SORCS3: variants seen among roughly 807,000 people sequenced by gnomAD.
The protein encoded by SORCS3 is VPS10 domain-containing receptor SorCS3.
SORCS3 carries 57 observed loss-of-function variants against 146.3 expected under a neutral mutation model. The ratio of observed to expected loss-of-function variants is 0.39; its 90% CI spans 0.31 to 0.49. The LOEUF (loss-of-function observed/expected upper bound fraction) is 0.49. Among genes scored for constraint, SORCS3 ranks in the 20% least tolerant of loss-of-function variants. SORCS3 has a pLI of 0.92. For missense variants in SORCS3, 1,341 were observed against 1,575.5 expected, an observed-to-expected ratio of 0.85 and a Z score of 2.52; for synonymous variants, 653 against 618.5, an observed-to-expected ratio of 1.06 and a Z score of -0.83.
At chr10:105,034,010 T>C (rs756253999) in intron 4 of SORCS3, among the ~76,000 whole-genome samples, 2 of 152,200 alleles carry the variant, frequency 1.3e-5, no homozygotes, top group Non-Finnish European at 2.9e-5. Context: ...TTCCCATACC[T>C]GGCACAGTAT....
At chr10:104,878,807 A>G (rs1460204655) in intron 2 of SORCS3, among the ~76,000 whole-genome samples, 1 of 152,206 alleles carries the variant, frequency 6.6e-6, no homozygotes, top group Non-Finnish European at 1.5e-5. Flanking sequence ...GCTTAAATAC[A>G]GAGAATTAGA....
At chr10:104,902,313 A>T (rs2018859800) in intron 2 of SORCS3, among the ~76,000 whole-genome samples, 1 of 152,160 alleles carries the variant, frequency 6.6e-6, no homozygotes, top group African/African-American at 2.4e-5. Context: ...TGCCCAGTTG[A>T]GCACTCCCTT....
At chr10:105,251,702 A>T (rs2056899505) in intron 22 of SORCS3, among the ~76,000 whole-genome samples, 2 of 152,156 alleles carry the variant, frequency 1.3e-5, no homozygotes, top group South Asian at 4.1e-4. Flanking sequence ...GGAAAGAACA[A>T]GCTTACCCTT....
intron 8 of SORCS3, among the ~76,000 whole-genome samples, chr10:105,143,485 G>GT (rs2056109421): frequency 1.3e-5 from 2 of 152,122 alleles, no homozygotes; most frequent in Non-Finnish European, 2.9e-5. Flanking sequence ...AACCAAGGTT[G>GT]TAAACTAAGC....
chr10:104,705,143 A>G (rs2016321063), intron 1 of SORCS3, among the ~76,000 whole-genome samples: 1 of 152,078 alleles, frequency 6.6e-6, no homozygotes. Context: ...TAAAAAATAC[A>G]TAATGCCCTG....
At chr10:104,846,443 A>G (rs1196928031) in intron 2 of SORCS3, among the ~76,000 whole-genome samples, 1 of 152,206 alleles carries the variant, frequency 6.6e-6, no homozygotes, top group African/African-American at 2.4e-5. Context: ...ATGCTTAACC[A>G]AGTTGAAATT....
At chr10:104,746,919 T>C (rs1471807184) in intron 1 of SORCS3, among the ~76,000 whole-genome samples, 2 of 152,248 alleles carry the variant, frequency 1.3e-5, no homozygotes, top group Non-Finnish European at 2.9e-5. Flanking sequence ...TATGTGATCT[T>C]CATTTAATCT....
chr10:105,204,399 T>C lies in SORCS3; in HGVS notation c.2261+3146T>C, dbSNP rs1256442321. On this transcript the variant is annotated intron_variant, in intron 16 of 26. Coordinates refer to ENST00000369701, the MANE Select transcript of SORCS3 (RefSeq NM_014978.3). ...TTTCCAAGTTTACTTACTCTAAAAT[T>C]AAAACTCATCCCCAAGGACTTGGGT... Among the ~76,000 whole-genome samples, 3 of 152,296 alleles carry C rather than the reference T, an allele frequency of 2.0e-5. No homozygotes were observed. The Middle Eastern group carries it at 0.01, about 518-fold the overall frequency.
intron 7 of SORCS3, among the ~76,000 whole-genome samples, chr10:105,119,188 G>A (rs890308529): frequency 5.9e-5 from 9 of 152,202 alleles, no homozygotes; most frequent in African/African-American, 2.2e-4. Context: ...AGCTCAGGCT[G>A]TTGCTTCAGA....
chr10:105,208,080 G>A lies in SORCS3; in HGVS notation c.2262-3057G>A, dbSNP rs114372996. On this transcript the variant is annotated intron_variant, in intron 16 of 26. Coordinates refer to ENST00000369701, the MANE Select transcript of SORCS3 (RefSeq NM_014978.3). Reference sequence around the variant, plus strand: ...ATTCAGGCCAGGAACATGGGCTCACGCCTATAATCCCAGTACTTTGGGAGG... The same window carrying A: ...ATTCAGGCCAGGAACATGGGCTCACACCTATAATCCCAGTACTTTGGGAGG... Among the ~76,000 whole-genome samples, 1,210 of 152,166 alleles carry A rather than the reference G, an allele frequency of 8.0e-3. 15 individuals are homozygous for A. The highest frequency in any genetic ancestry group is 0.028 in the African/African-American group (1,149 of 41,532).
intron 3 of SORCS3, among the ~76,000 whole-genome samples, chr10:104,916,971 C>T (rs1033444351): frequency 6.6e-6 from 1 of 152,154 alleles, no homozygotes; most frequent in Non-Finnish European, 1.5e-5. Context: ...CAGCTTTTAC[C>T]TGAGCCACTA....
intron 1 of SORCS3, among the ~76,000 whole-genome samples, chr10:104,728,021 TTCTATCTATCTA>T (rs56299885): frequency 0.013 from 1,956 of 146,698 alleles, 13 homozygotes; most frequent in Middle Eastern, 0.031. Context: ...TATATAACAG[TTCTATCTATCTA>T]TCTATCTATC....
chr10:105,254,221 G>A (rs1564796706), intron 23 of SORCS3, among the ~76,000 whole-genome samples: 1 of 152,208 alleles, frequency 6.6e-6, no homozygotes, highest in East Asian at 1.9e-4. Context: ...AGGGCTGGTA[G>A]TATATGTACC....
At position 105,186,396 on chromosome 10, in the gene SORCS3, T is replaced by A. The variant is rs150457156; in HGVS notation, c.2009+8223T>A. Among the ~76,000 whole-genome samples the A allele has an allele frequency of 7.0e-4, 106 of 152,320 alleles. 2 individuals are homozygous for A. In the East Asian group the frequency reaches 0.017, roughly 24 times the overall value. The stretch of plus-strand genomic sequence containing the variant: ...GCATAGGTGATGCTCAGCAAATATA[T>A]GGTGAGTAAGTAATTCTGTTGGACT... On this transcript the variant is annotated intron_variant, in intron 14 of 26. Coordinates refer to ENST00000369701, the MANE Select transcript of SORCS3 (RefSeq NM_014978.3).
At chr10:105,187,607 G>A (rs1207168756) in intron 14 of SORCS3, among the ~76,000 whole-genome samples, 6 of 152,192 alleles carry the variant, frequency 3.9e-5, no homozygotes, top group Non-Finnish European at 5.9e-5. Flanking sequence ...GGAGGGAAAG[G>A]AGGAGGGCTT....
At chr10:104,645,910 C>A (rs1161779047) in intron 1 of SORCS3, among the ~76,000 whole-genome samples, 2 of 152,150 alleles carry the variant, frequency 1.3e-5, no homozygotes, top group African/African-American at 2.4e-5. Context: ...TGCTTGTCTT[C>A]ATCCTCCCTG....
intron 5 of SORCS3, among the ~76,000 whole-genome samples, chr10:105,062,063 T>C (rs1327328503): frequency 6.6e-6 from 1 of 152,228 alleles, no homozygotes; most frequent in African/African-American, 2.4e-5. Flanking sequence ...TTATTTCAAA[T>C]TCTTGTTATT....
chr10:104,951,296 T>G (rs1589563235), intron 3 of SORCS3, among the ~76,000 whole-genome samples: 1 of 152,280 alleles, frequency 6.6e-6, no homozygotes, highest in South Asian at 2.1e-4. Context: ...CCTTCAACAC[T>G]GCCTTGCTTG....
intron 3 of SORCS3, among the ~76,000 whole-genome samples, chr10:104,939,933 G>T (rs1026394811): frequency 1.3e-5 from 2 of 151,840 alleles, no homozygotes; most frequent in Non-Finnish European, 1.5e-5. Flanking sequence ...TACCGGAAAG[G>T]GGTCTGGATC....
Sources: gnomAD v4.1 joint callset for allele counts (sites outside exome capture counted in the v4.1 genomes callset) on GRCh38, gnomAD v4.1.1 for gene constraint, MANE v1.5 for transcripts, NCBI Gene and HGNC (gene_info 2026-07-23, HGNC 2026-07-21) for gene names.